The following TSPAN9 variants were observed in gnomAD, a reference collection of about 807,000 sequenced individuals.
TSPAN9 encodes tetraspanin-9.
In TSPAN9, 16 loss-of-function variants were observed where a neutral mutation model predicts 31.0. The ratio of observed to expected loss-of-function variants is 0.52; its 90% confidence interval spans 0.35 to 0.78. TSPAN9 has a LOEUF of 0.78. Among genes scored for constraint, TSPAN9 ranks in the 30% least tolerant of loss-of-function variants. The pLI, the probability that TSPAN9 is intolerant of heterozygous loss-of-function variation, is 0.01. For synonymous variants in TSPAN9, 145 were observed against 121.6 expected (o/e 1.19, Z -1.27); for missense variants, 272 against 312.5 (o/e 0.87, Z 0.98).
At chr12:3,086,329 AT>A (rs11356214) in intron 2 of TSPAN9, among the ~76,000 whole-genome samples, 127,709 of 145,892 alleles carry the variant, frequency 0.88, 57,172 homozygotes, top group Non-Finnish European at 0.98. Flanking sequence ...CCAAATGTAG[AT>A]TTTTTTTTTT....
intron 3 of TSPAN9, among the ~76,000 whole-genome samples, chr12:3,214,073 G>T (rs569446408): frequency 6.6e-6 from 1 of 152,236 alleles, no homozygotes; most frequent in African/African-American, 2.4e-5. Context: ...CTAACTAGCC[G>T]TGTGATCCTG....
intron 2 of TSPAN9, chr12:3,149,812 A>G (rs1351682081): frequency 6.6e-6 from 1 of 152,222 alleles, no homozygotes; most frequent in Non-Finnish European, 1.5e-5. Context: ...AAGCTCTGGG[A>G]ACGGGGGCAG....
At chr12:3,221,902 A>G (rs1451553359) in intron 3 of TSPAN9, among the ~76,000 whole-genome samples, 1 of 152,244 alleles carries the variant, frequency 6.6e-6, no homozygotes, top group Admixed American at 6.5e-5. Context: ...TTGGCCTTCC[A>G]AAGTGCTAGG....
At chr12:3,188,737 C>G (rs575819108) in intron 2 of TSPAN9, among the ~76,000 whole-genome samples, 1 of 152,136 alleles carries the variant, frequency 6.6e-6, no homozygotes, top group Non-Finnish European at 1.5e-5. Flanking sequence ...CTGAGCCCCC[C>G]GGTGGTTTCT....
intron 3 of TSPAN9, among the ~76,000 whole-genome samples, chr12:3,214,696 G>T (rs567238112): frequency 6.6e-6 from 1 of 152,056 alleles, no homozygotes; most frequent in Non-Finnish European, 1.5e-5. Flanking sequence ...GGGCCTTCAC[G>T]CCCTCTAAGC....
chr12:3,149,707 C>G lies in TSPAN9; in HGVS notation c.-17-51470C>G, dbSNP rs527574372. 3.3e-5 allele frequency: 5 copies of G among 152,308 alleles called. No individual in the cohort carries two copies. In the South Asian group the frequency reaches 1.0e-3, roughly 32 times the overall value. The allele number at this position is 152,308 out of a possible 1,614,324, so 9.4% of individuals were successfully genotyped here. On this transcript the variant is annotated intron_variant, in intron 2 of 8. Transcript: ENST00000011898. ...ATGGGTGTTAGCCAAGTAATAGCCA[C>G]CAGTGATTCAAGACCTGGCTTGGAG...
chr12:3,236,696 C>T (rs1176579666), intron 3 of TSPAN9, among the ~76,000 whole-genome samples: 1 of 152,142 alleles, frequency 6.6e-6, no homozygotes, highest in South Asian at 2.1e-4. Flanking sequence ...TCTGTGCTTC[C>T]CAGCCTTTGT....
At chr12:3,206,012 T>C (rs1392307771) in intron 3 of TSPAN9, among the ~76,000 whole-genome samples, 1 of 151,814 alleles carries the variant, frequency 6.6e-6, no homozygotes, top group Non-Finnish European at 1.5e-5. Flanking sequence ...AGGAGGCGGG[T>C]AGAGAAGAGA....
chr12:3,185,077 A>G (rs1430500238), intron 2 of TSPAN9, among the ~76,000 whole-genome samples: 8 of 152,140 alleles, frequency 5.3e-5, no homozygotes, highest in Admixed American at 4.6e-4. Flanking sequence ...AGTAGTGAAG[A>G]CTGTGTTCTC....
intron 2 of TSPAN9, among the ~76,000 whole-genome samples, chr12:3,139,151 T>G (rs1384196069): frequency 6.6e-6 from 1 of 152,192 alleles, no homozygotes; most frequent in Non-Finnish European, 1.5e-5. Context: ...AGGTTTCAGC[T>G]TCATGGCTGT....
At chr12:3,259,213 C>T (rs962083728) in intron 3 of TSPAN9, among the ~76,000 whole-genome samples, 5 of 152,194 alleles carry the variant, frequency 3.3e-5, no homozygotes, top group African/African-American at 9.7e-5. Context: ...TGGAGTCCAC[C>T]GCCTTCATAG....
intron 3 of TSPAN9, among the ~76,000 whole-genome samples, chr12:3,247,245 CAGAG>C (rs1228507046): frequency 1.3e-5 from 2 of 148,392 alleles, no homozygotes; most frequent in Non-Finnish European, 3.0e-5. Context: ...AAGGCAGAGT[CAGAG>C]AGAGGAGCTG....
At chr12:3,127,885 G>A (rs915338751) in intron 2 of TSPAN9, among the ~76,000 whole-genome samples, 2 of 152,018 alleles carry the variant, frequency 1.3e-5, no homozygotes, top group African/African-American at 2.4e-5. Flanking sequence ...CTCCACCTTC[G>A]TATTAGCTGG....
chr12:3,094,187 C>T (rs527847576), intron 2 of TSPAN9, among the ~76,000 whole-genome samples: 1 of 152,246 alleles, frequency 6.6e-6, no homozygotes, highest in East Asian at 1.9e-4. Flanking sequence ...TCTTAAAATG[C>T]CACAGCCTCT....
At chr12:3,161,394 A>G (rs1311884154) in intron 2 of TSPAN9, among the ~76,000 whole-genome samples, 1 of 152,066 alleles carries the variant, frequency 6.6e-6, no homozygotes, top group Non-Finnish European at 1.5e-5. Flanking sequence ...TAGGTTCATG[A>G]TTCATTTTGA....
chr12:3,157,162 C>T (rs940525922), intron 2 of TSPAN9, among the ~76,000 whole-genome samples: 35 of 150,668 alleles, frequency 2.3e-4, no homozygotes, highest in African/African-American at 7.4e-4. Flanking sequence ...TGCCGTGGCG[C>T]GATCTCAGCT....
intron 3 of TSPAN9, among the ~76,000 whole-genome samples, chr12:3,205,031 G>T (rs2098374203): frequency 6.6e-6 from 1 of 152,064 alleles, no homozygotes; most frequent in South Asian, 2.1e-4. Flanking sequence ...TCTGAATGCT[G>T]GGGTCATGTG....
chr12:3,239,121 C>T (rs1362285444), intron 3 of TSPAN9, among the ~76,000 whole-genome samples: 1 of 149,852 alleles, frequency 6.7e-6, no homozygotes, highest in Non-Finnish European at 1.5e-5. Flanking sequence ...AGTGCACATT[C>T]CTCCCTTGTG....
rs2098312463 is a variant in TSPAN9, at chr12:3,102,779, G to C, written c.-18+19060G>C. On this transcript the variant is annotated intron_variant, in intron 2 of 8. Coordinates refer to ENST00000011898, the MANE Select transcript of TSPAN9 (RefSeq NM_006675.5). ...TTTGAGAGCTATTGCACAGCATGGT[G>C]ACTACAGTAAATAATAACATGTTGC... Among the ~76,000 whole-genome samples, 3 of 152,170 alleles carry C rather than the reference G, an allele frequency of 2.0e-5. No individual in the cohort carries two copies. In the South Asian group the frequency reaches 6.2e-4, roughly 32 times the overall value.
Sources: allele counts gnomAD v4.1 joint callset (sites outside exome capture counted in the v4.1 genomes callset), GRCh38; gene constraint gnomAD v4.1.1; transcripts MANE v1.5; gene names NCBI Gene and HGNC (gene_info 2026-07-23, HGNC 2026-07-21).